Variants in SRGAP2 observed in about 807,000 individuals in gnomAD.
SRGAP2 encodes SLIT-ROBO Rho GTPase activating protein 2.
In SRGAP2, 15 loss-of-function variants were observed where a neutral mutation model predicts 57.2. That is an observed-to-expected ratio of 0.26 (90% confidence interval 0.18 to 0.40). The LOEUF is 0.40. Ranked by LOEUF, SRGAP2 falls within the 10% of genes least tolerant of loss-of-function variation. SRGAP2 has a pLI of 1.00. For synonymous variants in SRGAP2, 249 were observed against 248.0 expected (o/e 1.00, Z -0.04); for missense variants, 520 against 669.6 (o/e 0.78, Z 2.47).
chr1:206,260,375 A>T (rs1254309223), intron 2 of SRGAP2, among the ~76,000 whole-genome samples: 2 of 151,914 alleles, frequency 1.3e-5, no homozygotes, highest in African/African-American at 2.4e-5. Context: ...AATTTAAAAT[A>T]TGAAAAAAAA....
chr1:206,304,650 C>T (rs1220047228), intron 3 of SRGAP2, among the ~76,000 whole-genome samples: 1 of 150,082 alleles, frequency 6.7e-6, no homozygotes, highest in African/African-American at 2.4e-5. Context: ...TCCAATCTGC[C>T]TGCTCCATTG....
intron 4 of SRGAP2, among the ~76,000 whole-genome samples, chr1:206,360,754 C>G (rs1205964799): frequency 6.6e-6 from 1 of 151,456 alleles, no homozygotes; most frequent in Admixed American, 6.6e-5. Flanking sequence ...GCCACTGATT[C>G]TAGTCAAGCC....
intron 3 of SRGAP2, among the ~76,000 whole-genome samples, chr1:206,311,374 A>T (rs1260564889): frequency 2.6e-5 from 4 of 152,334 alleles, no homozygotes; most frequent in Non-Finnish European, 5.9e-5. Context: ...TGATTGGAGG[A>T]CTGGATAGGG....
rs532316865 is a variant in SRGAP2, at chr1:206,316,183, CT to C, written c.260+12712del. On this transcript the variant is annotated intron_variant, in intron 3 of 22. Transcript: ENST00000573034. Reference sequence around the variant, plus strand: ...AAATGAAGATAATATTCATAACTACCTTATGGAGTTGTTATGCTGGTTAAGT... The same window carrying C: ...AAATGAAGATAATATTCATAACTACCTATGGAGTTGTTATGCTGGTTAAGT... 3.8e-3 allele frequency among the ~76,000 whole-genome samples: 521 copies of C among 137,060 alleles called. 5 individuals carry two copies. The highest frequency in any genetic ancestry group is 0.015 in the African/African-American group (485 of 31,630). 89.9% of individuals were successfully genotyped at this position (137,060 alleles called of 152,430 possible).
intron 13 of SRGAP2, among the ~76,000 whole-genome samples, chr1:206,422,352 G>A (rs2103252713): frequency 6.6e-6 from 1 of 152,252 alleles, no homozygotes; most frequent in Non-Finnish European, 1.5e-5. Context: ...GTCTTAATGA[G>A]TATGCCATCA....
Position 206,430,234 on chromosome 1 carries a change from G to T in SRGAP2, c.1555+12G>T, listed in dbSNP as rs1553367916. 2.6e-6 allele frequency: 2 copies of T among 780,734 alleles called. No homozygotes were observed. The highest frequency in any genetic ancestry group is 2.4e-5 in the East Asian group (1 of 41,254). 48.4% of individuals were successfully genotyped at this position (780,734 alleles called of 1,614,324 possible). On this transcript the variant is annotated intron_variant, in intron 14 of 22. Transcript: ENST00000573034. Reference sequence around the variant, plus strand: ...TATCAGCAGACACGGTAAGCAGGATGACAGCCTTGTCCATATTTGTGCAAA... The same window carrying T: ...TATCAGCAGACACGGTAAGCAGGATTACAGCCTTGTCCATATTTGTGCAAA...
At chr1:206,302,008 TGCATTACATA>T (rs1366489919) in intron 2 of SRGAP2, among the ~76,000 whole-genome samples, 1 of 151,430 alleles carries the variant, frequency 6.6e-6, no homozygotes, top group African/African-American at 2.4e-5. Flanking sequence ...CCCATAATGA[TGCATTACATA>T]GCATTACATA....
At chr1:206,319,212 C>G (rs1673280975) in intron 3 of SRGAP2, among the ~76,000 whole-genome samples, 1 of 147,818 alleles carries the variant, frequency 6.8e-6, no homozygotes, top group African/African-American at 2.6e-5. Flanking sequence ...GAGATCGAGA[C>G]CATCCTGGCT....
rs1664344952 is a variant in SRGAP2, at chr1:206,462,772, C to T, written c.*1352C>T. ...CTGAATATTCTGGCTCTACTCTGGC[C>T]TTTTTTCTGGTTCCCTTCCAAAATG... On this transcript the variant is annotated 3_prime_UTR_variant, in exon 23 of 23. Coordinates refer to ENST00000573034, the MANE Select transcript of SRGAP2 (RefSeq NM_015326.5). 6.6e-6 allele frequency: 1 copy of T among 152,170 alleles called. No homozygotes were observed. The highest frequency in any genetic ancestry group is 2.4e-5 in the African/African-American group (1 of 41,420). The allele number at this position is 152,170 out of a possible 1,614,324, so 9.4% of individuals were successfully genotyped here. A position where few individuals can be genotyped will look rare whatever the true frequency, so the allele number is the denominator to read the frequency against.
At chr1:206,326,963 G>A (rs1326540589) in intron 3 of SRGAP2, among the ~76,000 whole-genome samples, 10 of 152,100 alleles carry the variant, frequency 6.6e-5, no homozygotes, top group African/African-American at 2.2e-4. Flanking sequence ...AGGAGTTTGA[G>A]GCTACAGTGA....
At chr1:206,319,220 G>A (rs1673282292) in intron 3 of SRGAP2, among the ~76,000 whole-genome samples, 1 of 147,886 alleles carries the variant, frequency 6.8e-6, no homozygotes, top group Non-Finnish European at 1.5e-5. Context: ...GACCATCCTG[G>A]CTAATACGGC....
intron 4 of SRGAP2, among the ~76,000 whole-genome samples, chr1:206,361,462 C>T (rs1246208767): frequency 1.3e-5 from 2 of 152,172 alleles, no homozygotes; most frequent in East Asian, 1.9e-4. Flanking sequence ...CACTTTGCCT[C>T]CTGGAGATCC....
intron 3 of SRGAP2, among the ~76,000 whole-genome samples, chr1:206,327,170 A>G (rs1338885883): frequency 2.0e-5 from 3 of 152,034 alleles, no homozygotes; most frequent in Non-Finnish European, 4.4e-5. Context: ...CTACTAAAAA[A>G]CACAAAATTA....
intron 17 of SRGAP2, among the ~76,000 whole-genome samples, chr1:206,444,924 G>T (rs868978644): frequency 6.6e-6 from 1 of 152,010 alleles, no homozygotes; most frequent in Admixed American, 6.5e-5. Context: ...GCAGTGATTC[G>T]CAAACAGACA....
intron 2 of SRGAP2, among the ~76,000 whole-genome samples, chr1:206,249,805 A>G (rs1256766229): frequency 6.6e-6 from 1 of 151,306 alleles, no homozygotes; most frequent in Non-Finnish European, 1.5e-5. Flanking sequence ...CTCTGCATAA[A>G]ATATACCCCA....
At chr1:206,408,801 GC>G (rs1658922967) in intron 10 of SRGAP2, among the ~76,000 whole-genome samples, 1 of 151,168 alleles carries the variant, frequency 6.6e-6, no homozygotes, top group Non-Finnish European at 1.5e-5. Flanking sequence ...CGCAAATCCT[GC>G]CCACCCTTTC....
chr1:206,249,834 A>C (rs560737395), intron 2 of SRGAP2, among the ~76,000 whole-genome samples: 5 of 149,638 alleles, frequency 3.3e-5, no homozygotes, highest in African/African-American at 1.2e-4. Flanking sequence ...TTCCTATTTG[A>C]TGTCTGACTC....
At chr1:206,460,166 T>C (rs1163274497) in intron 22 of SRGAP2, among the ~76,000 whole-genome samples, 5 of 152,196 alleles carry the variant, frequency 3.3e-5, no homozygotes, top group Admixed American at 1.3e-4. Context: ...GTAAAATCTT[T>C]CCATGTGAAC....
chr1:206,421,339 T>C (rs1337578014), intron 13 of SRGAP2, 65 bp downstream of exon 13: 6 of 732,118 alleles, frequency 8.2e-6, no homozygotes, highest in East Asian at 5.0e-5. Flanking sequence ...CAGGCATTTA[T>C]TGAGCGCCAC....
Sources: gnomAD v4.1 joint callset for allele counts (sites outside exome capture counted in the v4.1 genomes callset) on GRCh38, gnomAD v4.1.1 for gene constraint, MANE v1.5 for transcripts, NCBI Gene and HGNC (gene_info 2026-07-23, HGNC 2026-07-21) for gene names.